Variants in TOX observed in about 807,000 individuals in gnomAD.
TOX encodes the protein thymocyte selection associated high mobility group box, also known as thymocyte selection-associated high mobility group box protein TOX.
TOX carries 11 observed loss-of-function variants against 53.7 expected under a neutral mutation model. The ratio of observed to expected loss-of-function variants is 0.20; its 90% CI spans 0.13 to 0.34. TOX has a LOEUF of 0.34. Among genes scored for constraint, TOX ranks in the 10% least tolerant of loss-of-function variants. TOX has a pLI of 1.00. For missense variants in TOX, 570 were observed against 664.6 expected, an observed-to-expected ratio of 0.86 and a Z score of 1.56; for synonymous variants, 225 against 245.3, an observed-to-expected ratio of 0.92 and a Z score of 0.77.
At chr8:58,965,171 T>C (rs1215875802) in intron 1 of TOX, among the ~76,000 whole-genome samples, 1 of 152,150 alleles carries the variant, frequency 6.6e-6, no homozygotes, top group African/African-American at 2.4e-5. Flanking sequence ...TGAAGCAAAG[T>C]TTGAAAGAAT....
intron 7 of TOX, among the ~76,000 whole-genome samples, chr8:58,813,233 T>C (rs1267869291): frequency 1.3e-5 from 2 of 152,238 alleles, no homozygotes; most frequent in African/African-American, 4.8e-5. Context: ...TTGAAAACTA[T>C]TCAGGATCAT....
At chr8:58,887,827 T>TTA (rs2129171528) in intron 3 of TOX, among the ~76,000 whole-genome samples, 1 of 152,202 alleles carries the variant, frequency 6.6e-6, no homozygotes, top group Admixed American at 6.5e-5. Flanking sequence ...CAATGTTAAG[T>TTA]ATTTAAGGCT....
At chr8:58,856,653 C>A (rs530810044) in intron 3 of TOX, among the ~76,000 whole-genome samples, 48 of 152,204 alleles carry the variant, frequency 3.2e-4, no homozygotes, top group Admixed American at 7.9e-4. Flanking sequence ...GCTTCCTTTG[C>A]AGCTATGCAT....
chr8:59,044,230 C>CAAAAAAAAAA (rs78904701), intron 1 of TOX, among the ~76,000 whole-genome samples: 5 of 114,072 alleles, frequency 4.4e-5, no homozygotes, highest in Admixed American at 8.8e-5. Context: ...TGGCACTCAT[C>CAAAAAAAAAA]AAAAAAAAAA....
chr8:58,936,659 T>A lies in TOX; in HGVS notation c.411+2643A>T, dbSNP rs569265881. Among the ~76,000 whole-genome samples, 5 of 152,296 alleles carry A rather than the reference T, an allele frequency of 3.3e-5. No individual in the cohort carries two copies. In the East Asian group the frequency reaches 9.7e-4, roughly 29 times the overall value. Reference sequence around the variant, plus strand: ...CCTGATTCTTCCAACTTTATTAGATTTCTATTGCAACTTTATAGTGTATCA... The same window carrying A: ...CCTGATTCTTCCAACTTTATTAGATATCTATTGCAACTTTATAGTGTATCA... On this transcript the variant is annotated intron_variant, in intron 3 of 8. Coordinates refer to ENST00000361421, the MANE Select transcript of TOX (RefSeq NM_014729.3).
intron 1 of TOX, among the ~76,000 whole-genome samples, chr8:59,036,044 C>T (rs992647881): frequency 6.6e-6 from 1 of 152,224 alleles, no homozygotes. Flanking sequence ...CTAACTCCAG[C>T]ATTTGCCTCT....
At chr8:58,885,653 T>C (rs1022020931) in intron 3 of TOX, among the ~76,000 whole-genome samples, 6 of 152,184 alleles carry the variant, frequency 3.9e-5, no homozygotes, top group African/African-American at 1.4e-4. Flanking sequence ...AATGTTTCTC[T>C]GTCTTGTGGC....
At chr8:58,948,325 C>G (rs1389196948) in intron 2 of TOX, among the ~76,000 whole-genome samples, 1 of 152,070 alleles carries the variant, frequency 6.6e-6, no homozygotes, top group Non-Finnish European at 1.5e-5. Flanking sequence ...ACATGCAGGG[C>G]TTTCTCCCGC....
intron 3 of TOX, among the ~76,000 whole-genome samples, chr8:58,864,848 G>C (rs778714407): frequency 6.6e-6 from 1 of 152,138 alleles, no homozygotes; most frequent in Non-Finnish European, 1.5e-5. Context: ...AATTGAAAGG[G>C]AAAAGGAACT....
chr8:58,886,965 T>G (rs1428310168), intron 3 of TOX, among the ~76,000 whole-genome samples: 1 of 151,890 alleles, frequency 6.6e-6, no homozygotes. Context: ...GTTTCCTCTG[T>G]AAACATAAGA....
At chr8:59,045,263 G>A (rs1486616039) in intron 1 of TOX, among the ~76,000 whole-genome samples, 2 of 152,040 alleles carry the variant, frequency 1.3e-5, no homozygotes, top group African/African-American at 4.8e-5. Flanking sequence ...ATATTTAGAA[G>A]CAACTGCACT....
intron 3 of TOX, among the ~76,000 whole-genome samples, chr8:58,870,788 CTT>C (rs1172022994): frequency 6.6e-6 from 1 of 152,072 alleles, no homozygotes; most frequent in Non-Finnish European, 1.5e-5. Context: ...AAAAGACAGT[CTT>C]TTCAAAAAAT....
intron 1 of TOX, among the ~76,000 whole-genome samples, chr8:58,991,187 T>C (rs948654608): frequency 6.6e-6 from 1 of 152,206 alleles, no homozygotes; most frequent in Non-Finnish European, 1.5e-5. Context: ...AAAAATGTGC[T>C]GACAAACACA....
At chr8:59,039,956 T>TAATA (rs1324589603) in intron 1 of TOX, among the ~76,000 whole-genome samples, 1 of 152,212 alleles carries the variant, frequency 6.6e-6, no homozygotes, top group African/African-American at 2.4e-5. Context: ...ATTAAAAATA[T>TAATA]AATAATTCCA....
chr8:58,954,767 C>G (rs558613936), intron 2 of TOX, among the ~76,000 whole-genome samples: 2 of 152,178 alleles, frequency 1.3e-5, no homozygotes, highest in African/African-American at 4.8e-5. Flanking sequence ...AAGAGTTAGG[C>G]CAAAAAGTAG....
intron 3 of TOX, among the ~76,000 whole-genome samples, chr8:58,883,775 C>A (rs1296614677): frequency 6.6e-6 from 1 of 151,678 alleles, no homozygotes; most frequent in Non-Finnish European, 1.5e-5. Context: ...GTAATAATGA[C>A]AAACAGTCCA....
chr8:59,013,413 C>CTTTTTTTTTTTTTTTTT (rs35734986), intron 1 of TOX, among the ~76,000 whole-genome samples: 2 of 146,344 alleles, frequency 1.4e-5, no homozygotes. Context: ...TCAGATAGGC[C>CTTTTTTTTTTTTTTTTT]TTTTTTTTTT....
At chr8:58,945,008 C>T (rs1392249353) in intron 2 of TOX, among the ~76,000 whole-genome samples, 1 of 152,182 alleles carries the variant, frequency 6.6e-6, no homozygotes, top group Non-Finnish European at 1.5e-5. Context: ...AATTAAATTG[C>T]ACTTTTTAAG....
chr8:59,116,785 G>T (rs1805108438), intron 1 of TOX, among the ~76,000 whole-genome samples: 1 of 152,154 alleles, frequency 6.6e-6, no homozygotes, highest in African/African-American at 2.4e-5. Context: ...TACAGAAAGG[G>T]TGCCTAATTT....
Sources: gnomAD v4.1 joint callset for allele counts (sites outside exome capture counted in the v4.1 genomes callset) on GRCh38, gnomAD v4.1.1 for gene constraint, MANE v1.5 for transcripts, NCBI Gene and HGNC (gene_info 2026-07-23, HGNC 2026-07-21) for gene names.